RNF17: variants seen among roughly 807,000 people sequenced by gnomAD.
RNF17 encodes the protein spermatogenesis associated 23.
Under a neutral mutation model 200.5 loss-of-function variants are expected in RNF17, and 31 were observed. The observed-to-expected ratio is 0.15, with a 90% CI of 0.12 to 0.21. RNF17 has a LOEUF of 0.21. Among genes scored for constraint, RNF17 ranks in the 10% least tolerant of loss-of-function variants. RNF17 has a pLI of 1.00. For missense variants in RNF17, 1,628 were observed against 1,905.1 expected (o/e 0.85, Z 2.71); for synonymous variants, 606 against 637.8 (o/e 0.95, Z 0.75).
upstream of RNF17, among the ~76,000 whole-genome samples, chr13:24,762,726 C>T (rs1029638576): frequency 6.6e-6 from 1 of 152,228 alleles, no homozygotes; most frequent in Non-Finnish European, 1.5e-5. Context: ...AGGCTTTATT[C>T]TTAGCAGCAA....
downstream of RNF17, chr13:24,884,614 C>T (rs988731260): frequency 1.6e-5 from 12 of 769,436 alleles, no homozygotes; most frequent in Admixed American, 1.1e-4. Context: ...GTAGCAAACT[C>T]GTGATTTTCT....
At chr13:24,873,385 G>T (rs190812219) in intron 32 of RNF17, among the ~76,000 whole-genome samples, 4 of 152,310 alleles carry the variant, frequency 2.6e-5, no homozygotes, top group Non-Finnish European at 1.5e-5. Context: ...ATTCTGGATT[G>T]TGAGCCTATA....
At chr13:24,862,628 A>G (rs957986684) in intron 27 of RNF17, 85 bp from the exon 28 acceptor site, 44 of 786,292 alleles carry the variant, frequency 5.6e-5, no homozygotes, top group East Asian at 2.5e-5. Flanking sequence ...TTATTTGTTT[A>G]TGGCTACTTT....
intron 22 of RNF17, among the ~76,000 whole-genome samples, chr13:24,846,410 C>T (rs1891262056): frequency 6.6e-6 from 1 of 152,166 alleles, no homozygotes; most frequent in Non-Finnish European, 1.5e-5. Context: ...CTGGCCCTCC[C>T]CCAGAGGTTC....
chr13:24,844,562 G>C, intron 20 of RNF17, 90 bp from the exon 21 acceptor site: 1 of 1,031,234 alleles, frequency 9.7e-7, no homozygotes, highest in Non-Finnish European at 1.4e-6. Context: ...TGGCTGGAGC[G>C]GAATGAGCAA....
chr13:24,790,136 T>G (rs1181578846), intron 9 of RNF17, among the ~76,000 whole-genome samples: 1 of 152,090 alleles, frequency 6.6e-6, no homozygotes, highest in Non-Finnish European at 1.5e-5. Context: ...TTACTTGAGG[T>G]GCCAAGCAAG....
At position 24,843,835 on chromosome 13, in the gene RNF17, C is replaced by T; in HGVS notation, c.2695C>T (p.Pro899Ser). ...IISNEVHNLN[P>S]VSAKSLPNEN... ...TTCAAATGAAGTACACAACTTAAAT[C>T]CTGTGTCTGCAAAATCTCTACCTAA... The change falls in exon 20 of 36, where the codon CCT becomes TCT. Residue 899 changes from proline (P) to serine (S), a missense_variant. Around this residue, in one of 5 missense-constraint regions of RNF17, gnomAD observed 227 missense variants for 319.8 expected, o/e 0.71. Coordinates refer to ENST00000255324, the MANE Select transcript of RNF17 (RefSeq NM_031277.3). The T allele has an allele frequency of 6.2e-7, 1 of 1,609,704 alleles. No individual in the cohort carries two copies.
chr13:24,777,501 C>T (rs892754183), intron 3 of RNF17, among the ~76,000 whole-genome samples: 1 of 152,092 alleles, frequency 6.6e-6, no homozygotes, highest in African/African-American at 2.4e-5. Context: ...GACCCCATCT[C>T]TAAAACAGAT....
At chr13:24,752,961 T>G in the RNF17 span, among the ~76,000 whole-genome samples, 1 of 152,140 alleles carries the variant, frequency 6.6e-6, no homozygotes, top group South Asian at 2.1e-4. Flanking sequence ...CATCATCTCA[T>G]GCTACTCCCC....
chr13:24,814,144 T>G (rs2137857800), intron 15 of RNF17, among the ~76,000 whole-genome samples: 1 of 152,344 alleles, frequency 6.6e-6, no homozygotes, highest in South Asian at 2.1e-4. Flanking sequence ...TACTATTCAT[T>G]AACTGAACGT....
chr13:24,853,731 G>T, intron 24 of RNF17, 124 bp from the exon 25 acceptor site: 1 of 676,474 alleles, frequency 1.5e-6, no homozygotes, highest in Non-Finnish European at 2.3e-6. Flanking sequence ...TAATTTTTAT[G>T]TAACAAATTA....
At chr13:24,846,783 G>A (rs929412905) in intron 22 of RNF17, among the ~76,000 whole-genome samples, 7 of 152,190 alleles carry the variant, frequency 4.6e-5, no homozygotes, top group Non-Finnish European at 7.3e-5. Flanking sequence ...GTCCTGGGCC[G>A]TGTGCAGGTT....
At chr13:24,829,753 G>T (rs753868325) in intron 16 of RNF17, among the ~76,000 whole-genome samples, 1 of 152,118 alleles carries the variant, frequency 6.6e-6, no homozygotes, top group African/African-American at 2.4e-5. Flanking sequence ...TGTGTGATAC[G>T]TCTTTTTTAA....
Position 24,793,249 on chromosome 13 carries a change from C to T in RNF17, c.1143C>T (p.Asp381=), listed in dbSNP as rs780809595. Residue 381 remains aspartate, a synonymous_variant, in exon 10 of 36, where the codon GAC becomes GAT. Coordinates refer to ENST00000255324, the MANE Select transcript of RNF17 (RefSeq NM_031277.3). ...LEAKNFQPQK[D]VATASPKTIA... is the part of the protein sequence containing the mutation. ...CAAAAAACTTCCAGCCACAGAAAGA[C>T]GTTGCAACAGCATCCCCTAAAACCA... 16 of 1,613,912 alleles carry T rather than the reference C, an allele frequency of 9.9e-6. No individual in the cohort carries two copies. The highest frequency in any genetic ancestry group is 3.3e-5 in the Admixed American group (2 of 59,958).
At chr13:24,780,561 A>G (rs1481064915) in intron 5 of RNF17, among the ~76,000 whole-genome samples, 1 of 152,172 alleles carries the variant, frequency 6.6e-6, no homozygotes, top group African/African-American at 2.4e-5. Flanking sequence ...AGTTTAACCC[A>G]TTCCAGCATC....
intron 24 of RNF17, 65 bp from the exon 25 acceptor site, chr13:24,853,790 A>C: frequency 1.7e-6 from 2 of 1,203,790 alleles, no homozygotes; most frequent in Non-Finnish European, 2.3e-6. Context: ...GATTCTTTTT[A>C]TGTTGTTTTA....
rs759233465 is a variant in RNF17, at chr13:24,800,394, C to T, written c.1618C>T (p.His540Tyr). The T allele has an allele frequency of 1.9e-6, 3 of 1,608,204 alleles. No homozygotes were observed. Among genetic ancestry groups the T allele is most frequent in the East Asian group, 2.2e-5 (1 of 44,742 alleles). The change falls in exon 13 of 36, where the codon CAC (histidine) becomes TAC (tyrosine). Residue 540 changes from histidine (H) to tyrosine (Y), a missense_variant. Around this residue, in one of 5 missense-constraint regions of RNF17, gnomAD observed 289 missense variants for 384.9 expected, o/e 0.75. Coordinates refer to ENST00000255324, the MANE Select transcript of RNF17 (RefSeq NM_031277.3). ...TGTTGATACCCATGTGAGACCAGAA[C>T]ACTCTGCTAAGCAACATATTGCACT... ...GVVDTHVRPE[H>Y]SAKQHIALND...
chr13:24,759,079 C>CAAAA, the RNF17 span, among the ~76,000 whole-genome samples: 189 of 64,884 alleles, frequency 2.9e-3, no homozygotes, highest in Middle Eastern at 8.5e-3. Context: ...ACTGTGTCTC[C>CAAAA]AAAAAAAAAA....
At chr13:24,867,683 A>T (rs1368678892) in intron 30 of RNF17, among the ~76,000 whole-genome samples, 1 of 152,190 alleles carries the variant, frequency 6.6e-6, no homozygotes, top group Non-Finnish European at 1.5e-5. Context: ...ACTTTTTATA[A>T]AGATATTGCT....
Sources: allele counts gnomAD v4.1 joint callset (sites outside exome capture counted in the v4.1 genomes callset), GRCh38; gene constraint gnomAD v4.1.1; regional missense constraint gnomAD v4.1.1; transcripts MANE v1.5; gene names NCBI Gene and HGNC (gene_info 2026-07-23, HGNC 2026-07-21).